BTD: variants seen among roughly 807,000 people sequenced by gnomAD.
BTD encodes biotinidase.
In BTD, 13 loss-of-function variants were observed where a neutral mutation model predicts 17.7. The ratio of observed to expected loss-of-function variants is 0.74; its 90% CI spans 0.48 to 1.17. The LOEUF (loss-of-function observed/expected upper bound fraction) is 1.17. Among genes scored for constraint, BTD ranks in the 50% most tolerant of loss-of-function variants. The pLI is 0.00. For synonymous variants in BTD, 240 were observed against 245.2 expected, an observed-to-expected ratio of 0.98 and a Z score of 0.20; for missense variants, 674 against 650.4, an observed-to-expected ratio of 1.04 and a Z score of -0.39.
chr3:15,620,829 A>G (rs550410939), intron 1 of BTD, among the ~76,000 whole-genome samples: 7 of 152,346 alleles, frequency 4.6e-5, no homozygotes, highest in Non-Finnish European at 8.8e-5. Context: ...TGGGATATAT[A>G]TAGAGAGATA....
chr3:15,656,978 G>C (rs1163820128), downstream of BTD, among the ~76,000 whole-genome samples: 1 of 152,156 alleles, frequency 6.6e-6, no homozygotes, highest in Non-Finnish European at 1.5e-5. Flanking sequence ...GGGGGATGGA[G>C]AACCCACTTC....
chr3:15,660,409 G>C (rs114202045), intron 3 of BTD, among the ~76,000 whole-genome samples: 1 of 152,174 alleles, frequency 6.6e-6, no homozygotes, highest in Non-Finnish European at 1.5e-5. Flanking sequence ...CTTCTGATTC[G>C]ACTCCAGACA....
chr3:15,602,514 G>C (rs532043880), intron 1 of BTD, among the ~76,000 whole-genome samples: 5 of 152,124 alleles, frequency 3.3e-5, no homozygotes, highest in African/African-American at 9.7e-5. Context: ...TACTGCCTTG[G>C]AGTCATTAGA....
chr3:15,627,372 G>A (rs2065092107), intron 1 of BTD, among the ~76,000 whole-genome samples: 3 of 152,192 alleles, frequency 2.0e-5, no homozygotes, highest in Admixed American at 2.0e-4. Flanking sequence ...ACAAGTGCAT[G>A]CCACCATGCC....
At chr3:15,678,475 G>T in intron 3 of BTD, 1 of 841,016 alleles carries the variant, frequency 1.2e-6, no homozygotes, top group Non-Finnish European at 1.7e-6. Flanking sequence ...CAAAAGCACT[G>T]CCTGTACACA....
intron 3 of BTD, among the ~76,000 whole-genome samples, chr3:15,677,856 C>T (rs115372310): frequency 0.013 from 1,917 of 151,916 alleles, 45 homozygotes; most frequent in African/African-American, 0.044. Context: ...TTTATTTAAC[C>T]CTCACAACAA....
At chr3:15,660,355 T>C (rs775492317) in intron 3 of BTD, among the ~76,000 whole-genome samples, 2 of 152,256 alleles carry the variant, frequency 1.3e-5, no homozygotes, top group African/African-American at 4.8e-5. Flanking sequence ...CATCCGTTGC[T>C]ACCCATGAAG....
rs539882747 is a variant in BTD, at chr3:15,630,110, G to A, written c.-16-5314G>A. Reference sequence around the variant, plus strand: ...GCAACAAATTCAAAAAGATGCCATCGTGGGAGTGTGGTGAGTAAAAAACAG... The same window carrying A: ...GCAACAAATTCAAAAAGATGCCATCATGGGAGTGTGGTGAGTAAAAAACAG... On this transcript the variant is annotated intron_variant, in intron 1 of 3. Transcript: ENST00000643237. 3.0e-3 allele frequency: 2,930 copies of A among 984,626 alleles called. 8 individuals are homozygous for A. Among genetic ancestry groups the A allele is most frequent in the Admixed American group, 4.3e-3 (70 of 16,278 alleles). 61.0% of individuals were successfully genotyped at this position (984,626 alleles called of 1,614,324 possible). A position where few individuals can be genotyped will look rare whatever the true frequency, so the allele number is the denominator to read the frequency against.
chr3:15,632,264 A>G (rs927673189), intron 1 of BTD, among the ~76,000 whole-genome samples: 1 of 152,164 alleles, frequency 6.6e-6, no homozygotes, highest in Non-Finnish European at 1.5e-5. Context: ...TCACACAGTT[A>G]TCCAGAGCAC....
intron 3 of BTD, among the ~76,000 whole-genome samples, chr3:15,660,931 C>T (rs2065915031): frequency 6.6e-6 from 1 of 152,116 alleles, no homozygotes; most frequent in African/African-American, 2.4e-5. Flanking sequence ...AAAATGTCTT[C>T]CGAAGTGGCT....
In BTD at chr3:15,601,813, T is replaced by C. The variant is rs2064252826; in HGVS notation, c.-98T>C. 4.3e-6 allele frequency: 7 copies of C among 1,613,934 alleles called. No homozygotes were observed. Among genetic ancestry groups the C allele is most frequent in the Non-Finnish European group, 5.9e-6 (7 of 1,180,034 alleles). ...GAGGCCTCTCGCCATTGTCTCCGAG[T>C]CGGCCAGCTGGAGCGTTTTCGGGGC... On this transcript the variant is annotated 5_prime_UTR_variant, in exon 1 of 4. Transcript: ENST00000643237.
At chr3:15,685,125 G>T in intron 3 of BTD, 1 of 1,225,782 alleles carries the variant, frequency 8.2e-7, no homozygotes, top group Non-Finnish European at 1.2e-6. Flanking sequence ...TTATTCCCAA[G>T]GTTTTTGCTA....
chr3:15,631,406 A>T, intron 1 of BTD: 5 of 1,503,096 alleles, frequency 3.3e-6, no homozygotes, highest in Non-Finnish European at 4.5e-6. Flanking sequence ...CTTAATAATA[A>T]TCCCTCTCAT....
At chr3:15,608,900 A>G (rs1487423955) in intron 1 of BTD, among the ~76,000 whole-genome samples, 1 of 152,178 alleles carries the variant, frequency 6.6e-6, no homozygotes, top group Admixed American at 6.5e-5. Flanking sequence ...TTCTGTTTTC[A>G]CTTGCTTCTT....
intron 1 of BTD, among the ~76,000 whole-genome samples, chr3:15,604,021 G>T (rs941382039): frequency 8.5e-5 from 13 of 152,222 alleles, no homozygotes; most frequent in East Asian, 7.7e-4. Flanking sequence ...TAGGCACATG[G>T]TGCAAGTGGT....
chr3:15,617,550 C>T (rs974163861), intron 1 of BTD, among the ~76,000 whole-genome samples: 5 of 152,152 alleles, frequency 3.3e-5, no homozygotes, highest in African/African-American at 4.8e-5. Flanking sequence ...ATCACATTGC[C>T]TTTGCTCCTT....
At chr3:15,643,050 T>A (rs61495356) in intron 3 of BTD, among the ~76,000 whole-genome samples, 12,066 of 140,014 alleles carry the variant, frequency 0.086, 1,477 homozygotes, top group African/African-American at 0.26. Flanking sequence ...AAAAATAAAA[T>A]AAAATAAAGA....
chr3:15,682,264 A>T (rs976440562), intron 3 of BTD, among the ~76,000 whole-genome samples: 1 of 152,222 alleles, frequency 6.6e-6, no homozygotes, highest in African/African-American at 2.4e-5. Context: ...GTATTTAAAA[A>T]TTTCTCAATT....
chr3:15,641,853 A>G, intron 2 of BTD, 55 bp from the exon 3 acceptor site: 1 of 1,286,768 alleles, frequency 7.8e-7, no homozygotes, highest in South Asian at 1.2e-5. Context: ...GAATGAATGC[A>G]GCGGTTCTTC....
Sources: allele counts gnomAD v4.1 joint callset (sites outside exome capture counted in the v4.1 genomes callset), GRCh38; gene constraint gnomAD v4.1.1; transcripts MANE v1.5; gene names NCBI Gene and HGNC (gene_info 2026-07-23, HGNC 2026-07-21).